The following ADGRV1 variants were observed in gnomAD, a reference collection of about 807,000 sequenced individuals.
ADGRV1 encodes the protein adhesion G protein-coupled receptor V1, also known as G-protein coupled receptor 98.
In ADGRV1, 359 loss-of-function variants were observed where a neutral mutation model predicts 596.2. That is an observed-to-expected ratio of 0.60 (90% CI 0.55 to 0.66). ADGRV1 has a LOEUF of 0.66. ADGRV1 is among the 30% of genes least tolerant of loss of function. The pLI is 0.00. For synonymous variants in ADGRV1, 2,681 were observed against 2,679.2 expected, an observed-to-expected ratio of 1.00 and a Z score of -0.02; for missense variants, 7,274 against 7,575.6, an observed-to-expected ratio of 0.96 and a Z score of 1.48.
intron 86 of ADGRV1, among the ~76,000 whole-genome samples, chr5:91,078,500 T>C (rs1403164625): frequency 6.6e-6 from 1 of 152,226 alleles, no homozygotes; most frequent in Non-Finnish European, 1.5e-5. Context: ...GGACTGTCTT[T>C]GGACTTGCTT....
At chr5:91,009,995 C>CA (rs199528471) in intron 85 of ADGRV1, among the ~76,000 whole-genome samples, 137 of 145,924 alleles carry the variant, frequency 9.4e-4, no homozygotes, top group Middle Eastern at 3.4e-3. Flanking sequence ...CATTACAGAG[C>CA]AAAAAAAAAA....
At chr5:91,067,725 CAAAT>C (rs758840317) in intron 85 of ADGRV1, among the ~76,000 whole-genome samples, 11 of 152,168 alleles carry the variant, frequency 7.2e-5, no homozygotes, top group Non-Finnish European at 1.2e-4. Context: ...TTTCAAGACA[CAAAT>C]AAGGCAGTGA....
intron 83 of ADGRV1, among the ~76,000 whole-genome samples, chr5:90,881,399 T>C (rs984185079): frequency 3.3e-4 from 50 of 152,184 alleles, no homozygotes; most frequent in African/African-American, 1.1e-3. Flanking sequence ...AGGGGTCTAA[T>C]TATTGGACTG....
intron 78 of ADGRV1, among the ~76,000 whole-genome samples, chr5:90,847,432 C>T (rs1418245614): frequency 5.3e-5 from 8 of 152,238 alleles, no homozygotes; most frequent in Non-Finnish European, 5.9e-5. Context: ...CCCCACCAGA[C>T]TCAGGAGCCC....
chr5:90,855,936 ATATT>A (rs756864347), intron 82 of ADGRV1, 35 bp downstream of exon 82: 3 of 1,518,452 alleles, frequency 2.0e-6, no homozygotes, highest in Non-Finnish European at 2.7e-6. Context: ...ATGGTTATAA[ATATT>A]TATGAAAATG....
chr5:90,752,984 A>C (rs1427892952), intron 53 of ADGRV1, among the ~76,000 whole-genome samples: 1 of 151,490 alleles, frequency 6.6e-6, no homozygotes, highest in African/African-American at 2.4e-5. Context: ...TCAGTGAAAA[A>C]TGGCATTCAA....
chr5:90,587,597 T>A (rs1462062821), intron 1 of ADGRV1, among the ~76,000 whole-genome samples: 1 of 147,290 alleles, frequency 6.8e-6, no homozygotes, highest in Non-Finnish European at 1.5e-5. Flanking sequence ...TGCCCTGTCA[T>A]CCAGGCTGGA....
In ADGRV1 at chr5:90,644,839, A is replaced by G. The variant is rs974895619; in HGVS notation, c.2868A>G (p.Lys956=). 6.2e-7 allele frequency: 1 copy of G among 1,607,536 alleles called. No homozygotes were observed. The highest frequency in any genetic ancestry group is 1.3e-5 in the African/African-American group (1 of 74,822). Residue 956 remains lysine, a synonymous_variant, in exon 15 of 90, where the codon AAA becomes AAG. Coordinates refer to ENST00000405460, the MANE Select transcript of ADGRV1 (RefSeq NM_032119.4). ...TCTTTGGAGATCAGGAATTTTCAAA[A>G]AATATCACCATTTACTCCCTTCCAG... is the stretch of plus-strand genomic sequence containing the variant. ...TVVFGDQEFS[K]NITIYSLPDE...
At chr5:90,992,294 C>T (rs972135593) in intron 85 of ADGRV1, among the ~76,000 whole-genome samples, 3 of 152,242 alleles carry the variant, frequency 2.0e-5, no homozygotes, top group African/African-American at 4.8e-5. Flanking sequence ...CTTTTTATGG[C>T]GATTAATTAT....
chr5:90,655,600 T>C (rs1005927943), intron 20 of ADGRV1: 7 of 152,192 alleles, frequency 4.6e-5, no homozygotes, highest in Admixed American at 2.6e-4. Flanking sequence ...TGTGCAAATA[T>C]TCGGTTTTAG....
At chr5:91,046,930 A>G (rs1273069893) in intron 85 of ADGRV1, among the ~76,000 whole-genome samples, 17 of 152,164 alleles carry the variant, frequency 1.1e-4, no homozygotes. Context: ...CAGCATCACT[A>G]ATGATCCGGG....
chr5:90,958,218 A>G (rs2150936726), intron 83 of ADGRV1, among the ~76,000 whole-genome samples: 1 of 142,040 alleles, frequency 7.0e-6, no homozygotes. Context: ...CAGGAGGATG[A>G]GGCTGCAATG....
intron 44 of ADGRV1, 112 bp from the exon 45 acceptor site, chr5:90,720,823 G>C (rs1249793634): frequency 3.7e-6 from 3 of 817,666 alleles, no homozygotes; most frequent in Non-Finnish European, 5.3e-6. Context: ...ATCTCATCTT[G>C]GATTGTGTAA....
At chr5:91,112,399 G>A (rs1792451910) in intron 87 of ADGRV1, among the ~76,000 whole-genome samples, 1 of 152,118 alleles carries the variant, frequency 6.6e-6, no homozygotes, top group Non-Finnish European at 1.5e-5. Context: ...CTTAAACAAT[G>A]TGTTAATAAC....
chr5:90,610,366 T>G (rs1168438021), intron 1 of ADGRV1, among the ~76,000 whole-genome samples: 1 of 151,962 alleles, frequency 6.6e-6, no homozygotes, highest in African/African-American at 2.4e-5. Flanking sequence ...AATGTCAGAC[T>G]AATGTAAAGA....
intron 42 of ADGRV1, 118 bp downstream of exon 42, chr5:90,712,546 A>AT (rs1325316845): frequency 3.9e-6 from 3 of 773,230 alleles, no homozygotes; most frequent in Admixed American, 5.8e-5. Flanking sequence ...AATGAGAATG[A>AT]TTTTAAGTTA....
intron 83 of ADGRV1, among the ~76,000 whole-genome samples, chr5:90,942,271 T>C (rs1776224353): frequency 6.6e-6 from 1 of 152,118 alleles, no homozygotes; most frequent in Non-Finnish European, 1.5e-5. Flanking sequence ...CAATGCCAGG[T>C]AGTAATCAAT....
intron 87 of ADGRV1, among the ~76,000 whole-genome samples, chr5:91,133,814 A>G (rs1023053323): frequency 1.3e-5 from 2 of 152,208 alleles, no homozygotes; most frequent in Non-Finnish European, 2.9e-5. Context: ...TCAGGATTTT[A>G]TACAGAAGTT....
chr5:90,958,283 C>CAAAAAAAAAAA (rs34676985), intron 83 of ADGRV1, among the ~76,000 whole-genome samples: 29 of 72,778 alleles, frequency 4.0e-4, no homozygotes, highest in Non-Finnish European at 4.6e-4. Flanking sequence ...GACCTTGTCT[C>CAAAAAAAAAAA]AAAAAAAAAA....
Sources: gnomAD v4.1 joint callset for allele counts (sites outside exome capture counted in the v4.1 genomes callset) on GRCh38, gnomAD v4.1.1 for gene constraint, MANE v1.5 for transcripts, NCBI Gene and HGNC (gene_info 2026-07-23, HGNC 2026-07-21) for gene names.